Variants in DPP4 observed in about 807,000 individuals in gnomAD.
The protein encoded by DPP4 is ADCP-2.
A neutral mutation model predicts 122.4 loss-of-function variants in DPP4; 93 were observed. The ratio of observed to expected loss-of-function variants is 0.76; its 90% CI spans 0.64 to 0.90. The LOEUF is 0.90. Ranked by LOEUF, DPP4 falls within the 40% of genes least tolerant of loss-of-function variation. DPP4 has a pLI of 0.00. For synonymous variants in DPP4, 321 were observed against 302.9 expected (o/e 1.06, Z -0.62); for missense variants, 914 against 907.3 (o/e 1.01, Z -0.09).
At chr2:162,058,260 T>C (rs1684646557) in intron 2 of DPP4, among the ~76,000 whole-genome samples, 2 of 152,232 alleles carry the variant, frequency 1.3e-5, no homozygotes, top group South Asian at 4.1e-4. Flanking sequence ...CATGCAGCTG[T>C]AACTTCTGCT....
At chr2:162,015,203 T>C (rs777656145) in intron 18 of DPP4, among the ~76,000 whole-genome samples, 3 of 152,228 alleles carry the variant, frequency 2.0e-5, no homozygotes, top group African/African-American at 4.8e-5. Flanking sequence ...CCAGATTCAG[T>C]AGATTTAAAC....
At position 162,074,007 on chromosome 2, in the gene DPP4, G is replaced by A. The variant is rs776746877; in HGVS notation, c.-26C>T. The A allele has an allele frequency of 6.2e-7, 1 of 1,610,290 alleles. No homozygotes were observed. On this transcript the variant is annotated 5_prime_UTR_variant, in exon 1 of 26. The change creates a new upstream start codon in the 5' untranslated region. Coordinates refer to ENST00000360534, the MANE Select transcript of DPP4 (RefSeq NM_001935.4). ...CGTCGGCGTCTCCTCGGAAGTGAGC[G>A]TTCAGAGAAGGAGCGCAGGCAGAAG...
intron 10 of DPP4, among the ~76,000 whole-genome samples, chr2:162,027,822 AC>A (rs996266770): frequency 6.6e-6 from 1 of 152,070 alleles, no homozygotes; most frequent in Non-Finnish European, 1.5e-5. Flanking sequence ...CAGGAAACTC[AC>A]GTGCATCAGT....
Position 162,017,135 on chromosome 2 carries a change from T to C in DPP4, c.1441A>G (p.Thr481Ala), listed in dbSNP as rs1446167335. ...TTATCATTCACGCTGCTGTGTAGAG[T>C]ATAGAGGGGCAGACCAGGACCTGTT... ...RCSGPGLPLY[T>A]LHSSVNDKGL... The change falls in exon 17 of 26, where the codon ACT (threonine) becomes GCT (alanine). Residue 481 changes from threonine to alanine, a missense_variant. Transcript: ENST00000360534. 1 of 1,611,990 alleles carries C rather than the reference T, an allele frequency of 6.2e-7. No individual in the cohort carries two copies. The highest frequency in any genetic ancestry group is 2.2e-5 in the East Asian group (1 of 44,874).
Position 162,020,213 on chromosome 2 carries a change from T to C in DPP4, c.1244+16A>G. The C allele has an allele frequency of 6.3e-7, 1 of 1,599,662 alleles. No individual in the cohort carries two copies. Among genetic ancestry groups the C allele is most frequent in the South Asian group, 1.1e-5 (1 of 87,566 alleles). On this transcript the variant is annotated intron_variant, in intron 14 of 25. Coordinates refer to ENST00000360534, the MANE Select transcript of DPP4 (RefSeq NM_001935.4). The stretch of plus-strand genomic sequence containing the variant: ...GACAAGTAGGTTTATATCCTATCAA[T>C]TGTTACAATACTCACAGATAATCAC...
At chr2:162,036,098 C>T (rs540799697) in intron 8 of DPP4, among the ~76,000 whole-genome samples, 254 of 152,200 alleles carry the variant, frequency 1.7e-3, no homozygotes, top group African/African-American at 5.7e-3. Flanking sequence ...ATCACTGGCT[C>T]TTAATATGTT....
At chr2:162,012,382 A>G (rs1682734717) in intron 19 of DPP4, among the ~76,000 whole-genome samples, 1 of 152,090 alleles carries the variant, frequency 6.6e-6, no homozygotes, top group Non-Finnish European at 1.5e-5. Context: ...GCTTAACACA[A>G]TACTCCTGGA....
chr2:162,040,159 A>G (rs1038011097), intron 5 of DPP4, among the ~76,000 whole-genome samples: 8 of 152,138 alleles, frequency 5.3e-5, no homozygotes, highest in African/African-American at 1.9e-4. Flanking sequence ...GAAACTTTAC[A>G]TAGAGAAAAC....
rs750130173 is a variant in DPP4, at chr2:162,045,612, C to T, written c.286G>A (p.Asp96Asn). Reference protein sequence around the residue: ...SSVFLENSTFDEFGHSINDYS... With the variant: ...SSVFLENSTFNEFGHSINDYS... ...TCATTGATAGAATGTCCAAACTCAT[C>T]CTGTCAAACAAGAAGAACAAAGAAA... The change falls in exon 5 of 26, where the codon GAT becomes AAT. Residue 96 changes from aspartate (D) to asparagine (N), a missense_variant and splice_region_variant. Physicochemically the swap from Asp to Asn is conservative, Grantham distance 23. Coordinates refer to ENST00000360534, the MANE Select transcript of DPP4 (RefSeq NM_001935.4). 1.9e-6 allele frequency: 3 copies of T among 1,609,702 alleles called. No homozygotes were observed. The highest frequency in any genetic ancestry group is 2.5e-6 in the Non-Finnish European group (3 of 1,176,604).
At chr2:162,026,659 G>A (rs1683339261) in intron 10 of DPP4, among the ~76,000 whole-genome samples, 2 of 152,236 alleles carry the variant, frequency 1.3e-5, no homozygotes, top group African/African-American at 4.8e-5. Flanking sequence ...CAGGCTGCAG[G>A]GGCTGAGAGT....
chr2:162,048,879 G>A (rs551688215), intron 2 of DPP4, among the ~76,000 whole-genome samples: 60 of 152,210 alleles, frequency 3.9e-4, no homozygotes, highest in African/African-American at 1.4e-3. Flanking sequence ...TAATTTTTAC[G>A]TCAACCTTTA....
rs1396669903 is a variant in DPP4 at position 162,073,989 on chromosome 2, G to T, written c.-8C>A. The T allele has an allele frequency of 6.2e-7, 1 of 1,611,860 alleles. No homozygotes were observed. Among genetic ancestry groups the T allele is most frequent in the South Asian group, 1.1e-5 (1 of 90,684 alleles). On this transcript the variant is annotated 5_prime_UTR_variant, in exon 1 of 26. Transcript: ENST00000360534. The stretch of plus-strand genomic sequence containing the variant: ...CGCGGCACTCACCTTCATCGTCGGC[G>T]TCTCCTCGGAAGTGAGCGTTCAGAG...
intron 10 of DPP4, among the ~76,000 whole-genome samples, chr2:162,029,147 T>G (rs1377979503): frequency 6.6e-6 from 1 of 152,218 alleles, no homozygotes; most frequent in East Asian, 1.9e-4. Flanking sequence ...AATCCCCTTG[T>G]AAAGTGACCA....
At chr2:162,054,067 A>G (rs1281462759) in intron 2 of DPP4, among the ~76,000 whole-genome samples, 2 of 152,074 alleles carry the variant, frequency 1.3e-5, no homozygotes, top group East Asian at 1.9e-4. Context: ...TGGGAACCCA[A>G]CCCCCACCCT....
At chr2:162,042,180 C>A (rs930771060) in intron 5 of DPP4, among the ~76,000 whole-genome samples, 2 of 152,308 alleles carry the variant, frequency 1.3e-5, no homozygotes, top group Middle Eastern at 3.4e-3. Context: ...AAGCAAGTTT[C>A]TTTCTAAGCT....
rs200037441 is a variant in DPP4 at position 161,993,064 on chromosome 2, G to A, written c.*219C>T. 50 of 424,854 alleles carry A rather than the reference G, an allele frequency of 1.2e-4. No homozygotes were observed. The highest frequency in any genetic ancestry group is 1.8e-4 in the Non-Finnish European group (42 of 234,486). 26.3% of individuals were successfully genotyped at this position (424,854 alleles called of 1,614,324 possible). Reference sequence around the variant, plus strand: ...GAAATGATTTTAAACAATAAAACCCGACCGGATAATTCAAACTTCTGTAAG... The same window carrying A: ...GAAATGATTTTAAACAATAAAACCCAACCGGATAATTCAAACTTCTGTAAG... On this transcript the variant is annotated 3_prime_UTR_variant, in exon 26 of 26. Coordinates refer to ENST00000360534, the MANE Select transcript of DPP4 (RefSeq NM_001935.4).
At chr2:162,001,958 T>C (rs571544155) in intron 23 of DPP4, among the ~76,000 whole-genome samples, 1 of 152,308 alleles carries the variant, frequency 6.6e-6, no homozygotes, top group Admixed American at 6.5e-5. Context: ...CTGGATATCC[T>C]TTAAAAGTGC....
At chr2:162,007,950 A>G (rs895645571) in intron 22 of DPP4, among the ~76,000 whole-genome samples, 20 of 152,046 alleles carry the variant, frequency 1.3e-4, no homozygotes, top group African/African-American at 2.2e-4. Flanking sequence ...AGGAAAATCA[A>G]TTACCTCCTT....
At chr2:162,042,084 C>T (rs1270454819) in intron 5 of DPP4, among the ~76,000 whole-genome samples, 1 of 152,030 alleles carries the variant, frequency 6.6e-6, no homozygotes, top group Non-Finnish European at 1.5e-5. Context: ...AAAGAGAAGC[C>T]GAATGCAAAG....
Sources: allele counts gnomAD v4.1 joint callset (sites outside exome capture counted in the v4.1 genomes callset), GRCh38; gene constraint gnomAD v4.1.1; transcripts MANE v1.5; gene names NCBI Gene and HGNC (gene_info 2026-07-23, HGNC 2026-07-21).